The following RFX2 variants were observed in gnomAD, a reference collection of about 807,000 sequenced individuals.
RFX2 encodes the protein regulatory factor X2, also known as DNA-binding protein RFX2.
RFX2 carries 20 observed loss-of-function variants against 87.8 expected under a neutral mutation model. The observed-to-expected ratio is 0.23, with a 90% CI of 0.16 to 0.33. The LOEUF (loss-of-function observed/expected upper bound fraction) is 0.33, where lower values mean the gene tolerates loss of function less well. Ranked by LOEUF, RFX2 falls within the 10% of genes least tolerant of loss-of-function variation. The probability of loss-of-function intolerance (pLI) is 1.00; values close to 1 mark genes in which losing one functional copy is unlikely to be tolerated. For missense variants in RFX2, 767 were observed against 1,012.3 expected (o/e 0.76, Z 3.29); for synonymous variants, 397 against 431.3 (o/e 0.92, Z 0.98).
rs2086457068 is a variant in RFX2, at chr19:5,999,062, C to T, written c.1860-1849G>A. Among the ~76,000 whole-genome samples, 1 of 152,144 alleles carries T rather than the reference C, an allele frequency of 6.6e-6. No homozygotes were observed. The highest frequency in any genetic ancestry group is 1.5e-5 in the Non-Finnish European group (1 of 68,034). On this transcript the variant is annotated intron_variant, in intron 15 of 17. Coordinates refer to ENST00000303657, the MANE Select transcript of RFX2 (RefSeq NM_000635.4). The surrounding 1 kb of genome is among the most constrained non-coding windows in gnomAD (Gnocchi z 4.1). ...CCTGAGGTCAGGAGTTTGAGAGCAG[C>T]CCGGCCAACATGGCAAAACCCCGTC...
intron 16 of RFX2, among the ~76,000 whole-genome samples, chr19:5,996,428 T>C (rs398462): frequency 0.45 from 68,691 of 151,670 alleles, 15,671 homozygotes; most frequent in Middle Eastern, 0.52. Context: ...GCGGATGTCA[T>C]GTTCCGTGAC....
rs2086684500 is a variant in RFX2 at position 6,013,400 on chromosome 19, G to A, written c.780-295C>T. On this transcript the variant is annotated intron_variant, in intron 7 of 17. Coordinates refer to ENST00000303657, the MANE Select transcript of RFX2 (RefSeq NM_000635.4). The surrounding 1 kb of genome is among the most constrained non-coding windows in gnomAD (Gnocchi z 4.1). The stretch of plus-strand genomic sequence containing the variant: ...GGGGTTTTGCCATGTTGGCCAGGCT[G>A]GTCTCAAACTCCTGGGCTCAAGTGA... Among the ~76,000 whole-genome samples the A allele has an allele frequency of 6.6e-6, 1 of 151,728 alleles. No individual in the cohort carries two copies. The highest frequency in any genetic ancestry group is 1.5e-5 in the Non-Finnish European group (1 of 67,942).
intron 1 of RFX2, among the ~76,000 whole-genome samples, chr19:6,066,664 G>T (rs1048986168): frequency 1.3e-5 from 2 of 152,178 alleles, no homozygotes; most frequent in Admixed American, 1.3e-4. Context: ...AGCAGATCCC[G>T]AGTGGATCCA....
intron 1 of RFX2, among the ~76,000 whole-genome samples, chr19:6,102,913 C>T (rs2088149285): frequency 6.6e-6 from 1 of 152,084 alleles, no homozygotes; most frequent in Admixed American, 6.6e-5. Context: ...TTGCTTGAGC[C>T]CAGGAGTTTG....
intron 5 of RFX2, among the ~76,000 whole-genome samples, chr19:6,036,907 G>A (rs931935619): frequency 3.3e-5 from 5 of 152,104 alleles, no homozygotes; most frequent in African/African-American, 4.8e-5. Flanking sequence ...GCAAGAAAAA[G>A]AAATGAAATT....
chr19:6,093,322 C>T (rs1568194354), intron 1 of RFX2, among the ~76,000 whole-genome samples: 1 of 152,120 alleles, frequency 6.6e-6, no homozygotes, highest in Non-Finnish European at 1.5e-5. Context: ...ATTGCCTGAG[C>T]TCAGGAGTTC....
chr19:6,091,391 T>C (rs114348542), intron 1 of RFX2, among the ~76,000 whole-genome samples: 2,322 of 148,312 alleles, frequency 0.016, 46 homozygotes, highest in African/African-American at 0.054. Flanking sequence ...GAGGCTGCAA[T>C]AAGCCATGAT....
At position 6,044,253 on chromosome 19, in the gene RFX2, A is replaced by G. The variant is rs142846243; in HGVS notation, c.120T>C (p.Asn40=). The G allele has an allele frequency of 2.2e-4, 339 of 1,573,156 alleles. 2 individuals are homozygous for G. The Middle Eastern group carries it at 3.3e-3, about 15-fold the overall frequency. Residue 40 remains asparagine (N), a synonymous_variant, in exon 3 of 18, where the codon AAT becomes AAC. Coordinates refer to ENST00000303657, the MANE Select transcript of RFX2 (RefSeq NM_000635.4). This position sits in a 1 kb window ranked among gnomAD's most constrained non-coding sequence, Gnocchi z 5.3. ...TCGGCTGCATCTGGGCCCCTTTGGG[A>G]TTGGAGCTGGCTGCCTGGACCAACA... is the stretch of plus-strand genomic sequence containing the variant. ...QRVLVQAASS[N]PKGAQMQPIS...
At chr19:5,996,080 C>T (rs1226763853) in intron 16 of RFX2, among the ~76,000 whole-genome samples, 1 of 152,234 alleles carries the variant, frequency 6.6e-6, no homozygotes, top group Admixed American at 6.5e-5. Flanking sequence ...TTTCTGTACA[C>T]GTTGCGGGGC....
intron 5 of RFX2, among the ~76,000 whole-genome samples, chr19:6,033,641 A>G (rs1035391528): frequency 1.5e-5 from 2 of 133,532 alleles, no homozygotes; most frequent in Non-Finnish European, 3.3e-5. Flanking sequence ...AAAAAACCCT[A>G]TAAAACCAGC....
intron 1 of RFX2, among the ~76,000 whole-genome samples, chr19:6,089,663 T>G (rs956778248): frequency 2.6e-5 from 4 of 152,106 alleles, no homozygotes; most frequent in Non-Finnish European, 5.9e-5. Flanking sequence ...AAGCAGGCCC[T>G]CCCCAGACAC....
At position 6,083,862 on chromosome 19, in the gene RFX2, G is replaced by A. The variant is rs553327972; in HGVS notation, c.-9+26531C>T. Among the ~76,000 whole-genome samples the A allele has an allele frequency of 3.9e-5, 6 of 152,232 alleles. No individual in the cohort carries two copies. Among genetic ancestry groups the A allele is most frequent in the Middle Eastern group, 3.4e-3 (1 of 294 alleles). On this transcript the variant is annotated intron_variant, in intron 1 of 17. Coordinates refer to ENST00000303657, the MANE Select transcript of RFX2 (RefSeq NM_000635.4). The surrounding 1 kb of genome is among the most constrained non-coding windows in gnomAD (Gnocchi z 4.6). The stretch of plus-strand genomic sequence containing the variant: ...TAGGCAGCGGAAAATGCCTGCTAGC[G>A]AGTAGGCACTCAAACGTGTCTGAAT...
At chr19:6,015,977 T>C in intron 7 of RFX2, 113 bp downstream of exon 7, 1 of 996,916 alleles carries the variant, frequency 1.0e-6, no homozygotes, top group East Asian at 2.7e-5. Context: ...ACTCCAGAGG[T>C]GGCTGCGAAT....
chr19:6,055,967 G>C (rs1479210164), intron 1 of RFX2, among the ~76,000 whole-genome samples: 1 of 151,924 alleles, frequency 6.6e-6, no homozygotes, highest in Non-Finnish European at 1.5e-5. Context: ...CAAAAGAGTA[G>C]ATGAGTAGAG....
In RFX2 at chr19:6,004,088, C is replaced by T; in HGVS notation, c.1500+113G>A. On this transcript the variant is annotated intron_variant, in intron 13 of 17. Coordinates refer to ENST00000303657, the MANE Select transcript of RFX2 (RefSeq NM_000635.4). This position sits in a 1 kb window ranked among gnomAD's most constrained non-coding sequence, Gnocchi z 4.8. ...GCTTCCTGAAGGGATCGGTTACTCT[C>T]ATGACGCAGGGAAGAAGCCAGCGCT... is the stretch of plus-strand genomic sequence containing the variant. The T allele has an allele frequency of 3.6e-6, 3 of 826,334 alleles. No homozygotes were observed. The highest frequency in any genetic ancestry group is 4.9e-5 in the East Asian group (2 of 40,692). The allele number at this position is 826,334 out of a possible 1,614,324, so 51.2% of individuals were successfully genotyped here.
intron 1 of RFX2, among the ~76,000 whole-genome samples, chr19:6,077,693 C>T (rs931983713): frequency 3.9e-5 from 6 of 152,044 alleles, no homozygotes; most frequent in Non-Finnish European, 5.9e-5. Flanking sequence ...GATGGATAAA[C>T]GAAGGCGGCC....
At chr19:6,031,009 G>C (rs1175121885) in intron 5 of RFX2, among the ~76,000 whole-genome samples, 1 of 152,090 alleles carries the variant, frequency 6.6e-6, no homozygotes, top group African/African-American at 2.4e-5. Flanking sequence ...GAAGTTGTCA[G>C]GTTCCTGGTT....
At position 6,010,454 on chromosome 19, in the gene RFX2, G is replaced by A. The variant is rs553826300; in HGVS notation, c.900-203C>T. Reference sequence around the variant, plus strand: ...AGCATTAAGCACATTCACTGGTTGTGCAACCCTCACCGTCGTCATCTCCAG... The same window carrying A: ...AGCATTAAGCACATTCACTGGTTGTACAACCCTCACCGTCGTCATCTCCAG... On this transcript the variant is annotated intron_variant, in intron 8 of 17. Coordinates refer to ENST00000303657, the MANE Select transcript of RFX2 (RefSeq NM_000635.4). The surrounding 1 kb of genome is among the most constrained non-coding windows in gnomAD (Gnocchi z 5.0). Among the ~76,000 whole-genome samples, 5 of 152,330 alleles carry A rather than the reference G, an allele frequency of 3.3e-5. No homozygotes were observed. In the East Asian group the frequency reaches 9.6e-4, roughly 29 times the overall value.
At chr19:6,055,742 G>T (rs2087328933) in intron 1 of RFX2, among the ~76,000 whole-genome samples, 1 of 152,176 alleles carries the variant, frequency 6.6e-6, no homozygotes, top group African/African-American at 2.4e-5. Flanking sequence ...TCCTCATCAG[G>T]AGAGTGGACG....
Sources: allele counts gnomAD v4.1 joint callset (sites outside exome capture counted in the v4.1 genomes callset), GRCh38; gene constraint gnomAD v4.1.1; non-coding constraint Gnocchi (gnomAD v3.1); transcripts MANE v1.5; gene names NCBI Gene and HGNC (gene_info 2026-07-23, HGNC 2026-07-21).